COL27A1: variants seen among roughly 807,000 people sequenced by gnomAD.
COL27A1 encodes collagen type XXVII alpha 1 chain.
Under a neutral mutation model 251.3 loss-of-function variants are expected in COL27A1, and 106 were observed. That is an observed-to-expected ratio of 0.42 (90% CI 0.36 to 0.50). The LOEUF is 0.50. Ranked by LOEUF, COL27A1 falls within the 20% of genes least tolerant of loss-of-function variation. The pLI, the probability that COL27A1 is intolerant of heterozygous loss-of-function variation, is 0.00. For synonymous variants in COL27A1, 1,000 were observed against 986.3 expected, an observed-to-expected ratio of 1.01 and a Z score of -0.26; for missense variants, 2,325 against 2,522.8, an observed-to-expected ratio of 0.92 and a Z score of 1.68.
chr9:114,264,211 G>C, intron 28 of COL27A1, 144 bp from the exon 29 acceptor site: 2 of 575,608 alleles, frequency 3.5e-6, no homozygotes, highest in South Asian at 5.6e-5. Context: ...CACCTCAGTG[G>C]GGAGTGTGTG....
intron 59 of COL27A1, among the ~76,000 whole-genome samples, chr9:114,308,540 G>A (rs1271160308): frequency 1.3e-5 from 2 of 152,206 alleles, no homozygotes; most frequent in Non-Finnish European, 2.9e-5. Flanking sequence ...CCAGGACGGG[G>A]AGGTCAGACT....
chr9:114,280,596 T>C (rs1443052812), intron 37 of COL27A1, among the ~76,000 whole-genome samples: 1 of 152,258 alleles, frequency 6.6e-6, no homozygotes, highest in Non-Finnish European at 1.5e-5. Context: ...GGTAGCTGTA[T>C]GTGGCTGGAG....
In COL27A1 at chr9:114,168,725, A is replaced by G. The variant is rs372140058; in HGVS notation, c.1170A>G (p.Lys390=). The change falls in exon 3 of 61, where the codon AAA becomes AAG. Residue 390 remains lysine (K), a synonymous_variant. Coordinates refer to ENST00000356083, the MANE Select transcript of COL27A1 (RefSeq NM_032888.4). ...TCAAAAGCCCCCATCCTACCCAGAA[A>G]ACAGCTCCATCTTCATTTACAAAGT... is the stretch of plus-strand genomic sequence containing the variant. The part of the protein sequence containing the change: ...VPIKSPHPTQ[K]TAPSSFTKSA... The G allele has an allele frequency of 6.6e-5, 107 of 1,613,794 alleles. No individual in the cohort carries two copies. The highest frequency in any genetic ancestry group is 8.6e-5 in the Non-Finnish European group (101 of 1,180,006).
rs2135701803 is a variant in COL27A1, at chr9:114,282,271, C to T, written c.3718-6C>T. ...TTCTCTTGCTCTGTCCCTCCTCTCT[C>T]TTCAGGGTCCTGAAGGAAAATCAGG... is the stretch of plus-strand genomic sequence containing the variant. On this transcript the variant is annotated splice_polypyrimidine_tract_variant and splice_region_variant and intron_variant, in intron 37 of 60. Transcript: ENST00000356083. The T allele has an allele frequency of 3.7e-6, 6 of 1,613,452 alleles. No individual in the cohort carries two copies. Among genetic ancestry groups the T allele is most frequent in the Middle Eastern group, 1.7e-4 (1 of 6,060 alleles).
intron 14 of COL27A1, among the ~76,000 whole-genome samples, chr9:114,228,485 C>A (rs971630952): frequency 6.6e-6 from 1 of 152,322 alleles, no homozygotes; most frequent in Non-Finnish European, 1.5e-5. Flanking sequence ...AGCTGGCCTC[C>A]CTTCCAATCC....
At chr9:114,165,623 A>T (rs1263041547) in intron 2 of COL27A1, among the ~76,000 whole-genome samples, 1 of 148,788 alleles carries the variant, frequency 6.7e-6, no homozygotes, top group Non-Finnish European at 1.5e-5. Context: ...CTGCCTATTC[A>T]TCTACTATCC....
In COL27A1 at chr9:114,240,454, C is replaced by T; in HGVS notation, c.2802C>T (p.Gly934=). ...CCCAGGGTAAGCCTGGAGCCCGAGG[C>T]CTGCCGGGACCCCGTGGGCAGCTGG... is the stretch of plus-strand genomic sequence containing the variant. ...EGMKGKPGAR[G]LPGPRGQLGP... Residue 934 remains glycine, a synonymous_variant, in exon 21 of 61, where the codon GGC becomes GGT. Coordinates refer to ENST00000356083, the MANE Select transcript of COL27A1 (RefSeq NM_032888.4). 6.2e-7 allele frequency: 1 copy of T among 1,612,972 alleles called. No homozygotes were observed. Among genetic ancestry groups the T allele is most frequent in the Non-Finnish European group, 8.5e-7 (1 of 1,179,884 alleles).
intron 35 of COL27A1, among the ~76,000 whole-genome samples, chr9:114,269,722 A>G (rs1055863219): frequency 1.3e-5 from 2 of 151,826 alleles, no homozygotes; most frequent in African/African-American, 4.8e-5. Context: ...TGTGTCGAGC[A>G]CTTTTCTCGA....
At chr9:114,167,615 C>T in intron 2 of COL27A1, 74 bp from the exon 3 acceptor site, 2 of 1,315,608 alleles carry the variant, frequency 1.5e-6, no homozygotes, top group Non-Finnish European at 2.1e-6. Flanking sequence ...TGCCTGTGCC[C>T]CTTAGGGGGT....
intron 34 of COL27A1, 118 bp from the exon 35 acceptor site, chr9:114,269,123 A>C: frequency 1.8e-6 from 1 of 566,794 alleles, no homozygotes; most frequent in Non-Finnish European, 3.1e-6. Context: ...GGGAAGAAGG[A>C]CCTTCCCCAG....
intron 40 of COL27A1, among the ~76,000 whole-genome samples, chr9:114,284,511 C>T (rs993389932): frequency 5.9e-5 from 9 of 152,228 alleles, no homozygotes; most frequent in African/African-American, 2.2e-4. Flanking sequence ...CCAACCATCC[C>T]AGCTGGAACA....
At chr9:114,190,181 T>C (rs1395125859) in intron 5 of COL27A1, among the ~76,000 whole-genome samples, 6 of 152,246 alleles carry the variant, frequency 3.9e-5, no homozygotes, top group Non-Finnish European at 8.8e-5. Flanking sequence ...ACATTTTATG[T>C]TGACTTCTCT....
At chr9:114,235,474 C>T (rs1832313310) in intron 16 of COL27A1, 125 bp from the exon 17 acceptor site, 3 of 791,400 alleles carry the variant, frequency 3.8e-6, no homozygotes, top group Non-Finnish European at 6.9e-6. Context: ...CACAAGGCTG[C>T]TGCTGGCCGG....
intron 5 of COL27A1, among the ~76,000 whole-genome samples, chr9:114,190,985 T>C (rs1247420159): frequency 2.0e-5 from 3 of 152,240 alleles, no homozygotes; most frequent in Admixed American, 2.0e-4. Flanking sequence ...TAGTGTGCTC[T>C]ATCCCAGAAG....
intron 56 of COL27A1, among the ~76,000 whole-genome samples, chr9:114,303,837 C>G (rs576101555): frequency 6.6e-5 from 10 of 152,156 alleles, no homozygotes; most frequent in Non-Finnish European, 1.5e-4. Context: ...TATTAAAGTG[C>G]GAGCCAAAGG....
At position 114,169,357 on chromosome 9, in the gene COL27A1, G is replaced by GC; in HGVS notation, c.1807dup (p.Arg603ProfsTer90). 1 of 1,611,820 alleles carries GC rather than the reference G, an allele frequency of 6.2e-7. No individual in the cohort carries two copies. ...GCCCCGGCGCAATTCCTGTCCTCCA[G>GC]CCCCCGGCCCACGAGCAGTGGCTAT... is the stretch of plus-strand genomic sequence containing the variant. On this transcript the variant is annotated frameshift_variant, in exon 3 of 61. Transcript: ENST00000356083. LOFTEE classifies it high-confidence loss of function.
chr9:114,252,510 TG>T, intron 25 of COL27A1, 82 bp from the exon 26 acceptor site: 1 of 1,174,248 alleles, frequency 8.5e-7, no homozygotes, highest in Non-Finnish European at 1.3e-6. Context: ...TTTGAGCCTC[TG>T]GATGGCCCTC....
chr9:114,298,885 T>C (rs899453064), intron 49 of COL27A1, among the ~76,000 whole-genome samples: 5 of 152,182 alleles, frequency 3.3e-5, no homozygotes, highest in Admixed American at 6.5e-5. Flanking sequence ...ATATCTCTGA[T>C]AAGGAACATG....
At position 114,180,299 on chromosome 9, in the gene COL27A1, A is replaced by G. The variant is rs532100971; in HGVS notation, c.1962+1955A>G. ...GGCAAATGATTGGTGAAGAGTTCTAATGTAGGAGTCAAGAATATTTCTACC... is the reference window on the plus strand; with the variant it reads ...GGCAAATGATTGGTGAAGAGTTCTAGTGTAGGAGTCAAGAATATTTCTACC... On this transcript the variant is annotated intron_variant, in intron 4 of 60. Transcript: ENST00000356083. Among the ~76,000 whole-genome samples the G allele has an allele frequency of 5.3e-5, 8 of 152,308 alleles. No homozygotes were observed. In the East Asian group the frequency reaches 1.5e-3, roughly 29 times the overall value.
Sources: allele counts gnomAD v4.1 joint callset (sites outside exome capture counted in the v4.1 genomes callset), GRCh38; gene constraint gnomAD v4.1.1; transcripts MANE v1.5; gene names NCBI Gene and HGNC (gene_info 2026-07-23, HGNC 2026-07-21).